Variants in ACSS3 observed in about 807,000 individuals in gnomAD.
ACSS3 encodes the protein acyl-CoA synthetase short-chain family member 3, mitochondrial.
A neutral mutation model predicts 84.2 loss-of-function variants in ACSS3; 64 were observed. The ratio of observed to expected loss-of-function variants is 0.76; its 90% CI spans 0.62 to 0.94. ACSS3 has a LOEUF of 0.94. Among genes scored for constraint, ACSS3 ranks in the 40% least tolerant of loss-of-function variants. ACSS3 has a pLI of 0.00. For synonymous variants in ACSS3, 317 were observed against 310.1 expected, an observed-to-expected ratio of 1.02 and a Z score of -0.23; for missense variants, 815 against 867.6, an observed-to-expected ratio of 0.94 and a Z score of 0.76.
At chr12:81,128,055 A>G (rs1885226416) in intron 2 of ACSS3, among the ~76,000 whole-genome samples, 1 of 152,124 alleles carries the variant, frequency 6.6e-6, no homozygotes, top group Non-Finnish European at 1.5e-5. Flanking sequence ...TAAAGCTTTT[A>G]CTTCTGTCTG....
chr12:81,229,186 C>T (rs2033373218), intron 11 of ACSS3, among the ~76,000 whole-genome samples: 1 of 151,684 alleles, frequency 6.6e-6, no homozygotes, highest in Non-Finnish European at 1.5e-5. Context: ...AAAAATGGCA[C>T]CATAAAATAC....
At chr12:81,236,435 ATTCTT>A (rs1481834532) in intron 13 of ACSS3, among the ~76,000 whole-genome samples, 5 of 151,214 alleles carry the variant, frequency 3.3e-5, no homozygotes, top group African/African-American at 1.2e-4. Flanking sequence ...TCATATAGCC[ATTCTT>A]TTCTTTGAAT....
chr12:81,108,776 G>T (rs879781026), intron 1 of ACSS3, among the ~76,000 whole-genome samples: 2 of 152,062 alleles, frequency 1.3e-5, no homozygotes, highest in Non-Finnish European at 2.9e-5. Flanking sequence ...TGGAAGAAAT[G>T]GACCATTACT....
intron 1 of ACSS3, among the ~76,000 whole-genome samples, chr12:81,090,254 T>G (rs145429598): frequency 9.8e-4 from 149 of 152,110 alleles, no homozygotes; most frequent in Middle Eastern, 3.4e-3. Context: ...TAGTGGTTCT[T>G]TCCTAAAAAG....
chr12:81,213,286 G>A (rs2032665623), intron 9 of ACSS3, among the ~76,000 whole-genome samples: 1 of 152,122 alleles, frequency 6.6e-6, no homozygotes, highest in Non-Finnish European at 1.5e-5. Context: ...TATTCTGCAC[G>A]TGGACCAGTT....
At position 81,178,463 on chromosome 12, in the gene ACSS3, A is replaced by G. The variant is rs2030661692; in HGVS notation, c.1250+3524A>G. Among the ~76,000 whole-genome samples the G allele has an allele frequency of 1.5e-4, 18 of 122,896 alleles. No homozygotes were observed. The Admixed American group carries it at 1.5e-3, about 10-fold the overall frequency. 80.6% of individuals were successfully genotyped at this position (122,896 alleles called of 152,430 possible). A position where few individuals can be genotyped will look rare whatever the true frequency, so the allele number is the denominator to read the frequency against. On this transcript the variant is annotated intron_variant, in intron 8 of 15. Transcript: ENST00000548058. ...CATGTACCCTAAAACTTAAAGTATA[A>G]TAATAATAAAATAAAAAAAAACATT...
intron 5 of ACSS3, among the ~76,000 whole-genome samples, chr12:81,146,586 C>T (rs905020459): frequency 3.3e-5 from 5 of 152,182 alleles, no homozygotes; most frequent in Admixed American, 6.5e-5. Flanking sequence ...TGCATATCAG[C>T]ATTTGCCAAC....
At chr12:81,155,734 A>T (rs907535326) in intron 7 of ACSS3, among the ~76,000 whole-genome samples, 17 of 152,190 alleles carry the variant, frequency 1.1e-4, no homozygotes, top group Non-Finnish European at 2.1e-4. Flanking sequence ...CAAATATGTC[A>T]TGTTGACTTA....
At chr12:81,100,262 C>T (rs1188837919) in intron 1 of ACSS3, among the ~76,000 whole-genome samples, 12 of 127,218 alleles carry the variant, frequency 9.4e-5, no homozygotes, top group African/African-American at 3.3e-4. Flanking sequence ...TGCCATGTTG[C>T]CCAGGCTGGA....
chr12:81,146,182 C>G (rs1013347342), intron 5 of ACSS3, among the ~76,000 whole-genome samples: 9 of 152,146 alleles, frequency 5.9e-5, no homozygotes, highest in Non-Finnish European at 1.0e-4. Context: ...CACTGTAGCA[C>G]TAACATTAAA....
At chr12:81,217,187 A>G (rs2032950819) in intron 10 of ACSS3, among the ~76,000 whole-genome samples, 191 bp downstream of exon 10, 1 of 152,116 alleles carries the variant, frequency 6.6e-6, no homozygotes, top group Non-Finnish European at 1.5e-5. Context: ...TATGTTCTAA[A>G]TGACTGTCAT....
intron 8 of ACSS3, among the ~76,000 whole-genome samples, chr12:81,179,284 A>G (rs547114662): frequency 7.4e-5 from 11 of 149,562 alleles, no homozygotes; most frequent in East Asian, 2.0e-4. Context: ...AAAAAAAAAA[A>G]AAAAAGAAAA....
Position 81,078,270 on chromosome 12 carries a change from A to T in ACSS3, c.150A>T (p.Gly50=). ...CGCGGGGCGGTCTCGGGGGCCGGGG[A>T]TGCAGGGCACTGTCCTCCGGCAGTG... The part of the protein sequence containing the change: ...PGPRGGLGGR[G]CRALSSGSGS... Residue 50 remains glycine, a synonymous_variant, in exon 1 of 16, where the codon GGA becomes GGT. Coordinates refer to ENST00000548058, the MANE Select transcript of ACSS3 (RefSeq NM_024560.4). The T allele has an allele frequency of 6.2e-7, 1 of 1,610,040 alleles. No individual in the cohort carries two copies. The highest frequency in any genetic ancestry group is 8.5e-7 in the Non-Finnish European group (1 of 1,179,620).
chr12:81,213,486 A>G (rs995934044), intron 9 of ACSS3, among the ~76,000 whole-genome samples: 1 of 151,708 alleles, frequency 6.6e-6, no homozygotes, highest in Non-Finnish European at 1.5e-5. Context: ...ATTCCTTAGT[A>G]TGCTTAGAGT....
rs1026010220 is a variant in ACSS3, at chr12:81,235,428, A to G, written c.1719+1957A>G. ...GAGTTGAATATTGTGAGTCCTCCAC[A>G]TCTGCTCTTCTTTCTTAGTCTTGTT... On this transcript the variant is annotated intron_variant, in intron 13 of 15. Coordinates refer to ENST00000548058, the MANE Select transcript of ACSS3 (RefSeq NM_024560.4). 2.6e-5 allele frequency among the ~76,000 whole-genome samples: 4 copies of G among 151,332 alleles called. No individual in the cohort carries two copies. In the East Asian group the frequency reaches 7.8e-4, roughly 29 times the overall value.
intron 3 of ACSS3, 58 bp from the exon 4 acceptor site, chr12:81,139,073 G>A: frequency 6.5e-7 from 1 of 1,540,890 alleles, no homozygotes; most frequent in Non-Finnish European, 8.9e-7. Context: ...CTAAAATATT[G>A]TGATTACCTA....
Position 81,139,218 on chromosome 12 carries a change from G to A in ACSS3, c.733G>A (p.Gly245Arg), listed in dbSNP as rs1255390267. Reference sequence around the variant, plus strand: ...ACTTGTAGAAGAAGCGCTAAAAATAGGACAACACAAACCAGACAAAATTCT... The same window carrying A: ...ACTTGTAGAAGAAGCGCTAAAAATAAGACAACACAAACCAGACAAAATTCT... Reference protein sequence around the residue: ...VPLVEEALKIGQHKPDKILIY... With the variant: ...VPLVEEALKIRQHKPDKILIY... Residue 245 changes from glycine to arginine, a missense_variant, in exon 4 of 16, where the codon GGA becomes AGA. Transcript: ENST00000548058. 4 of 1,613,832 alleles carry A rather than the reference G, an allele frequency of 2.5e-6. No individual in the cohort carries two copies. The highest frequency in any genetic ancestry group is 1.3e-5 in the African/African-American group (1 of 74,904).
At chr12:81,244,300 C>G (rs2033911307) in intron 13 of ACSS3, among the ~76,000 whole-genome samples, 1 of 151,504 alleles carries the variant, frequency 6.6e-6, no homozygotes, top group Non-Finnish European at 1.5e-5. Flanking sequence ...TTTTCTTTAT[C>G]TTAGATTGTT....
intron 15 of ACSS3, among the ~76,000 whole-genome samples, chr12:81,254,644 C>T (rs568930628): frequency 1.3e-5 from 2 of 152,192 alleles, no homozygotes; most frequent in East Asian, 3.9e-4. Context: ...CATCTAGGTC[C>T]AATAGTTTTG....
Sources: allele counts gnomAD v4.1 joint callset (sites outside exome capture counted in the v4.1 genomes callset), GRCh38; gene constraint gnomAD v4.1.1; transcripts MANE v1.5; gene names NCBI Gene and HGNC (gene_info 2026-07-23, HGNC 2026-07-21).